HDAC9: variants seen among roughly 807,000 people sequenced by gnomAD.
HDAC9 encodes the protein histone deacetylase 9.
In HDAC9, 41 loss-of-function variants were observed where a neutral mutation model predicts 139.4. The observed-to-expected ratio is 0.29, with a 90% CI of 0.23 to 0.38. HDAC9 has a LOEUF of 0.38. Ranked by LOEUF, HDAC9 falls within the 10% of genes least tolerant of loss-of-function variation. HDAC9 has a pLI of 1.00. For synonymous variants in HDAC9, 517 were observed against 476.2 expected (o/e 1.09, Z -1.12); for missense variants, 1,147 against 1,297.0 (o/e 0.88, Z 1.78).
rs116006482 is a variant in HDAC9 at position 18,340,971 on chromosome 7, T to G, written c.-42+50456T>G. ...GTCTTTTCCATTTTCTGTAAGATAT[T>G]TTGGCTGGGTATAGAATCCCAAGTT... On this transcript the variant is annotated intron_variant, in intron 1 of 3. Coordinates refer to the HDAC9 transcript ENST00000413509. 2.8e-3 allele frequency among the ~76,000 whole-genome samples: 428 copies of G among 151,676 alleles called. 2 individuals carry two copies. Among genetic ancestry groups the G allele is most frequent in the African/African-American group, 9.5e-3 (394 of 41,462 alleles).
Position 18,176,700 on chromosome 7 carries a change from G to T in HDAC9, c.25+14351G>T, listed in dbSNP as rs115994285. ...GGTACATGTGCAGATTTGTTATACA[G>T]GTAAACTGTGTGTCACAGGGCTTTG... is the stretch of plus-strand genomic sequence containing the variant. On this transcript the variant is annotated intron_variant, in intron 2 of 12. Transcript: ENST00000417496. Among the ~76,000 whole-genome samples the T allele has an allele frequency of 4.8e-3, 725 of 152,190 alleles. 5 individuals are homozygous for T. The highest frequency in any genetic ancestry group is 0.017 in the African/African-American group (686 of 41,514).
rs182267923 is a variant in HDAC9 at position 18,438,515 on chromosome 7, C to T, written c.-41-57747C>T. 1.2e-3 allele frequency among the ~76,000 whole-genome samples: 177 copies of T among 152,160 alleles called. 4 individuals are homozygous for T. In the East Asian group the frequency reaches 0.03, roughly 26 times the overall value. ...CTCATGCATGTAGAGTTTTTATTTTCAATCACAACACAATTGGAGAAAGAT... is the reference window on the plus strand; with the variant it reads ...CTCATGCATGTAGAGTTTTTATTTTTAATCACAACACAATTGGAGAAAGAT... On this transcript the variant is annotated intron_variant, in intron 1 of 3. Transcript: ENST00000413509.
rs548028485 is a variant in HDAC9, at chr7:18,452,939, GAC to G, written c.-41-43317_-41-43316del. Among the ~76,000 whole-genome samples, 12 of 152,124 alleles carry G rather than the reference GAC, an allele frequency of 7.9e-5. No individual in the cohort carries two copies. In the South Asian group the frequency reaches 2.3e-3, roughly 29 times the overall value. On this transcript the variant is annotated intron_variant, in intron 1 of 3. Transcript: ENST00000413509. ...AGACTAATACAATAATATAAACTTG[GAC>G]ACACATAATATAAACTAGGATGCTC...
At chr7:18,151,072 T>C (rs1444874558) in intron 1 of HDAC9, among the ~76,000 whole-genome samples, 1 of 152,232 alleles carries the variant, frequency 6.6e-6, no homozygotes, top group Non-Finnish European at 1.5e-5. Context: ...TATGCATTTT[T>C]TTTTTGCAGA....
At chr7:18,340,371 T>C (rs147779752) in intron 1 of HDAC9, among the ~76,000 whole-genome samples, 1 of 151,720 alleles carries the variant, frequency 6.6e-6, no homozygotes, top group East Asian at 1.9e-4. Flanking sequence ...GTGTGATTAT[T>C]GATATGGTTA....
At chr7:18,817,950 CA>C (rs1179494637) in intron 17 of HDAC9, among the ~76,000 whole-genome samples, 1 of 152,056 alleles carries the variant, frequency 6.6e-6, no homozygotes, top group Non-Finnish European at 1.5e-5. Context: ...TACATTTAAG[CA>C]AAAAATGCTT....
At position 18,133,841 on chromosome 7, in the gene HDAC9, T is replaced by C. The variant is rs192212745; in HGVS notation, c.-96-28388T>C. Reference sequence around the variant, plus strand: ...CTATGGGAAGCATGCAACATTTCCATGGCGTTACATTTTACTTTCTTATTT... The same window carrying C: ...CTATGGGAAGCATGCAACATTTCCACGGCGTTACATTTTACTTTCTTATTT... On this transcript the variant is annotated intron_variant, in intron 1 of 12. Coordinates refer to the HDAC9 transcript ENST00000417496. Among the ~76,000 whole-genome samples, 195 of 152,198 alleles carry C rather than the reference T, an allele frequency of 1.3e-3. 1 individual carries two copies. The highest frequency in any genetic ancestry group is 4.2e-3 in the African/African-American group (176 of 41,532).
chr7:18,856,732 T>G (rs1403942063), intron 21 of HDAC9, among the ~76,000 whole-genome samples: 1 of 152,190 alleles, frequency 6.6e-6, no homozygotes, highest in Non-Finnish European at 1.5e-5. Context: ...TAGCACAACT[T>G]ATTTAATCAA....
chr7:18,741,706 C>A (rs910993191), intron 13 of HDAC9, among the ~76,000 whole-genome samples: 1 of 151,828 alleles, frequency 6.6e-6, no homozygotes, highest in Admixed American at 6.6e-5. Flanking sequence ...ACAGTGATTC[C>A]CTTGATGGGT....
intron 12 of HDAC9, among the ~76,000 whole-genome samples, chr7:18,674,757 G>T (rs998115212): frequency 1.3e-5 from 2 of 151,714 alleles, no homozygotes; most frequent in African/African-American, 4.8e-5. Flanking sequence ...TTACTTGATG[G>T]GCTATTTCTT....
At chr7:18,745,883 CTTTTTT>C (rs752292349) in intron 13 of HDAC9, among the ~76,000 whole-genome samples, 2 of 99,486 alleles carry the variant, frequency 2.0e-5, no homozygotes, top group Non-Finnish European at 3.8e-5. Context: ...TCTTCTTCTT[CTTTTTT>C]TTTTTTTTTT....
chr7:18,796,216 T>A (rs1792789016), intron 17 of HDAC9, among the ~76,000 whole-genome samples: 1 of 152,020 alleles, frequency 6.6e-6, no homozygotes, highest in African/African-American at 2.4e-5. Flanking sequence ...CTAGAGGAGG[T>A]CTCTGAGATC....
intron 1 of HDAC9, among the ~76,000 whole-genome samples, chr7:18,401,603 T>C (rs1467524158): frequency 6.6e-6 from 1 of 152,186 alleles, no homozygotes; most frequent in Non-Finnish European, 1.5e-5. Flanking sequence ...TAGGTAATTT[T>C]CTCTTGTTAT....
chr7:18,205,013 G>A (rs1447366593), intron 2 of HDAC9, among the ~76,000 whole-genome samples: 1 of 151,862 alleles, frequency 6.6e-6, no homozygotes, highest in Non-Finnish European at 1.5e-5. Context: ...GTGTGTGTGT[G>A]TGTTTATAAA....
chr7:18,633,886 A>C (rs998795221), intron 7 of HDAC9, among the ~76,000 whole-genome samples: 6 of 152,138 alleles, frequency 3.9e-5, no homozygotes, highest in Admixed American at 3.9e-4. Context: ...TGTGAATTTC[A>C]TATCTGAAGA....
chr7:18,733,324 T>G lies in HDAC9; in HGVS notation c.1909+5567T>G, dbSNP rs865807581. The stretch of plus-strand genomic sequence containing the variant: ...TGTGTATATAATGTATATATACACA[T>G]GTATATATGTGTATGTGTGTGTGTA... On this transcript the variant is annotated intron_variant, in intron 13 of 25. Coordinates refer to ENST00000686413, the MANE Select transcript of HDAC9 (RefSeq NM_178425.4). Among the ~76,000 whole-genome samples, 105 of 150,234 alleles carry G rather than the reference T, an allele frequency of 7.0e-4. 1 individual carries two copies. Among genetic ancestry groups the G allele is most frequent in the Admixed American group, 3.9e-3 (59 of 15,042 alleles).
At chr7:18,398,854 C>G (rs1050739858) in intron 1 of HDAC9, among the ~76,000 whole-genome samples, 1 of 152,048 alleles carries the variant, frequency 6.6e-6, no homozygotes, top group Non-Finnish European at 1.5e-5. Context: ...ACTAGAGGAA[C>G]CCAAATGCAC....
chr7:18,709,630 A>T (rs1243352872), intron 12 of HDAC9, among the ~76,000 whole-genome samples: 1 of 152,220 alleles, frequency 6.6e-6, no homozygotes, highest in African/African-American at 2.4e-5. Context: ...GAACTACAAC[A>T]TGTTTGTATT....
intron 1 of HDAC9, among the ~76,000 whole-genome samples, chr7:18,157,682 G>A (rs1249452883): frequency 6.6e-6 from 1 of 152,142 alleles, no homozygotes; most frequent in Non-Finnish European, 1.5e-5. Flanking sequence ...TTTCCATATT[G>A]GGTAACAGTG....
Sources: allele counts gnomAD v4.1 joint callset (sites outside exome capture counted in the v4.1 genomes callset), GRCh38; gene constraint gnomAD v4.1.1; transcripts MANE v1.5; gene names NCBI Gene and HGNC (gene_info 2026-07-23, HGNC 2026-07-21).